The following STAM variants were observed in gnomAD, a reference collection of about 807,000 sequenced individuals.
STAM encodes the protein signal transducing adapter molecule 1.
STAM carries 16 observed loss-of-function variants against 63.4 expected under a neutral mutation model. That is an observed-to-expected ratio of 0.25 (90% CI 0.17 to 0.38). The LOEUF is 0.38. Ranked by LOEUF, STAM falls within the 10% of genes least tolerant of loss-of-function variation. STAM has a pLI of 1.00. For missense variants in STAM, 636 were observed against 657.1 expected (o/e 0.97, Z 0.35); for synonymous variants, 238 against 223.9 (o/e 1.06, Z -0.56).
intron 2 of STAM, among the ~76,000 whole-genome samples, chr10:17,671,964 T>C (rs1834658084): frequency 6.6e-6 from 1 of 152,186 alleles, no homozygotes; most frequent in South Asian, 2.1e-4. Flanking sequence ...CTTTAGAGTA[T>C]ACAATCTTCC....
intron 2 of STAM, among the ~76,000 whole-genome samples, chr10:17,681,449 G>C (rs1554825350): frequency 6.6e-6 from 1 of 151,352 alleles, no homozygotes. Flanking sequence ...TGCTTTCTAT[G>C]ATTTTTTATC....
intron 2 of STAM, among the ~76,000 whole-genome samples, chr10:17,663,488 C>T (rs558113281): frequency 1.1e-4 from 16 of 152,132 alleles, no homozygotes; most frequent in African/African-American, 2.4e-4. Context: ...TCAGTGAATT[C>T]GATAATGAAG....
chr10:17,700,479 A>T lies in STAM; in HGVS notation c.912+200A>T, dbSNP rs571085616. The stretch of plus-strand genomic sequence containing the variant: ...CCTTTGTTTGCCGTGCCAGAGCCTC[A>T]TTATTTTAAATTCCTGCTGAATATT... On this transcript the variant is annotated intron_variant, in intron 9 of 13. Transcript: ENST00000377524. 2.0e-5 allele frequency among the ~76,000 whole-genome samples: 3 copies of T among 152,198 alleles called. No homozygotes were observed. In the South Asian group the frequency reaches 6.2e-4, roughly 32 times the overall value.
intron 8 of STAM, among the ~76,000 whole-genome samples, chr10:17,698,500 G>A (rs10795506): frequency 0.12 from 18,193 of 151,090 alleles, 1,223 homozygotes; most frequent in East Asian, 0.26. Context: ...CACTCTGGAC[G>A]ATCTAAAAGA....
At chr10:17,670,583 T>C (rs1834596317) in intron 2 of STAM, among the ~76,000 whole-genome samples, 1 of 152,204 alleles carries the variant, frequency 6.6e-6, no homozygotes, top group South Asian at 2.1e-4. Context: ...TTGACTGAAA[T>C]ATACCTTAGT....
rs782248265 is a variant in STAM, at chr10:17,688,155, C to T, written c.426C>T (p.Phe142=). ...IKNLKEQGVT[F]PAIGSQAAEQ... is the part of the protein sequence containing the mutation. ...ACCTTAAGGAACAAGGAGTTACGTT[C>T]CCAGCTATTGGCTCTCAGGTATTTT... is the stretch of plus-strand genomic sequence containing the variant. Residue 142 remains phenylalanine (F), a synonymous_variant, in exon 5 of 14, where the codon TTC becomes TTT. Transcript: ENST00000377524. 2.7e-5 allele frequency: 43 copies of T among 1,571,260 alleles called. No individual in the cohort carries two copies. The highest frequency in any genetic ancestry group is 3.7e-5 in the Non-Finnish European group (43 of 1,159,480).
At chr10:17,650,229 T>G (rs1170379603) in intron 1 of STAM, among the ~76,000 whole-genome samples, 1 of 152,216 alleles carries the variant, frequency 6.6e-6, no homozygotes, top group African/African-American at 2.4e-5. Context: ...CAGCATTTAC[T>G]CTTAGTAAAT....
At chr10:17,687,812 C>T (rs1835356532) in intron 4 of STAM, among the ~76,000 whole-genome samples, 2 of 152,162 alleles carry the variant, frequency 1.3e-5, no homozygotes, top group Non-Finnish European at 1.5e-5. Context: ...ATCTTATTAC[C>T]TATTTAATGC....
rs10673746 is a variant in STAM, at chr10:17,666,387, A to ATTTTTTTTTTTTTTTTTT, written c.125+5847_125+5864dup. Among the ~76,000 whole-genome samples the ATTTTTTTTTTTTTTTTTT allele has an allele frequency of 9.3e-5, 8 of 85,912 alleles. 1 individual carries two copies. Among genetic ancestry groups the ATTTTTTTTTTTTTTTTTT allele is most frequent in the African/African-American group, 4.0e-4 (8 of 19,974 alleles). 56.4% of individuals were successfully genotyped at this position (85,912 alleles called of 152,430 possible). On this transcript the variant is annotated intron_variant, in intron 2 of 13. Transcript: ENST00000377524. ...TAAAAATGTTTTTCCTTGGCTTTGT[A>ATTTTTTTTTTTTTTTTTT]TTTTTTTTTTTTTTTTTTTTTTTTT...
intron 8 of STAM, among the ~76,000 whole-genome samples, chr10:17,699,768 AT>A (rs568977909): frequency 4.3e-4 from 65 of 150,382 alleles, no homozygotes; most frequent in African/African-American, 1.3e-3. Context: ...GTCAAACCAG[AT>A]TTTTTTTTTC....
intron 5 of STAM, among the ~76,000 whole-genome samples, chr10:17,688,609 C>T (rs147158378): frequency 1.3e-5 from 2 of 151,728 alleles, no homozygotes; most frequent in African/African-American, 2.4e-5. Flanking sequence ...ACTACATGCA[C>T]GTGCAGCCAG....
At chr10:17,646,035 C>T (rs1833507722) in intron 1 of STAM, among the ~76,000 whole-genome samples, 1 of 152,178 alleles carries the variant, frequency 6.6e-6, no homozygotes, top group African/African-American at 2.4e-5. Flanking sequence ...AGTAGCTGTA[C>T]CACCCAGTTC....
chr10:17,659,728 G>C (rs1834088154), intron 1 of STAM, among the ~76,000 whole-genome samples: 1 of 151,862 alleles, frequency 6.6e-6, no homozygotes, highest in African/African-American at 2.4e-5. Flanking sequence ...CTCCCAAAAT[G>C]CTGGGATTAC....
intron 1 of STAM, 49 bp downstream of exon 1, chr10:17,644,428 C>A (rs1554820548): frequency 1.2e-6 from 2 of 1,609,952 alleles, no homozygotes; most frequent in Admixed American, 3.3e-5. Flanking sequence ...ACTGCACGCT[C>A]ACTCTGCCAG....
chr10:17,651,504 A>C (rs1439147204), intron 1 of STAM, among the ~76,000 whole-genome samples: 1 of 152,210 alleles, frequency 6.6e-6, no homozygotes, highest in Non-Finnish European at 1.5e-5. Context: ...TAACCATCTG[A>C]TATCCACTGG....
At chr10:17,698,777 G>T (rs947871504) in intron 8 of STAM, among the ~76,000 whole-genome samples, 2 of 152,116 alleles carry the variant, frequency 1.3e-5, no homozygotes, top group African/African-American at 2.4e-5. Context: ...TGTGAGAAAA[G>T]GGGTTGCAAA....
intron 4 of STAM, among the ~76,000 whole-genome samples, chr10:17,686,679 C>T (rs1284129409): frequency 6.6e-6 from 1 of 152,146 alleles, no homozygotes; most frequent in African/African-American, 2.4e-5. Flanking sequence ...GCCCAGCCAA[C>T]ATCCTGCCCT....
intron 1 of STAM, among the ~76,000 whole-genome samples, chr10:17,648,621 G>A (rs1833614975): frequency 1.3e-5 from 2 of 152,208 alleles, no homozygotes; most frequent in South Asian, 2.1e-4. Flanking sequence ...AACAAACTCC[G>A]GACACATCAT....
At chr10:17,688,848 A>G (rs1274813454) in intron 5 of STAM, among the ~76,000 whole-genome samples, 2 of 152,188 alleles carry the variant, frequency 1.3e-5, no homozygotes, top group African/African-American at 2.4e-5. Context: ...ATAATTTTCT[A>G]CAAAGAATGA....
Sources: allele counts gnomAD v4.1 joint callset (sites outside exome capture counted in the v4.1 genomes callset), GRCh38; gene constraint gnomAD v4.1.1; transcripts MANE v1.5; gene names NCBI Gene and HGNC (gene_info 2026-07-23, HGNC 2026-07-21).